Variants in ITPR1 observed in about 807,000 individuals in gnomAD.
The protein encoded by ITPR1 is inositol 1,4,5-trisphosphate-gated calcium channel ITPR1.
ITPR1 carries 96 observed loss-of-function variants against 318.4 expected under a neutral mutation model. The ratio of observed to expected loss-of-function variants is 0.30; its 90% CI spans 0.26 to 0.36. The LOEUF (loss-of-function observed/expected upper bound fraction) is 0.36, where lower values mean the gene tolerates loss of function less well. ITPR1 is among the 10% of genes least tolerant of loss of function. The probability of loss-of-function intolerance (pLI) is 1.00; values close to 1 mark genes in which losing one functional copy is unlikely to be tolerated. For synonymous variants in ITPR1, 1,312 were observed against 1,289.9 expected, an observed-to-expected ratio of 1.02 and a Z score of -0.37; for missense variants, 2,440 against 3,460.2, an observed-to-expected ratio of 0.71 and a Z score of 7.40.
At position 4,634,695 on chromosome 3, in the gene ITPR1, A is replaced by T. The variant is rs145517252; in HGVS notation, c.280-4689A>T. 2.7e-3 allele frequency among the ~76,000 whole-genome samples: 408 copies of T among 151,986 alleles called. 4 individuals are homozygous for T. Among genetic ancestry groups the T allele is most frequent in the African/African-American group, 9.0e-3 (371 of 41,428 alleles). On this transcript the variant is annotated intron_variant, in intron 5 of 61. Coordinates refer to ENST00000649015, the MANE Select transcript of ITPR1 (RefSeq NM_001378452.1). ...TGGGTTTTATTTTGATGTTTTCCCT[A>T]CTCTCCTACCCCCTATTCTGTTCCT... is the stretch of plus-strand genomic sequence containing the variant.
intron 53 of ITPR1, among the ~76,000 whole-genome samples, chr3:4,797,911 C>T (rs1404662493): frequency 6.6e-6 from 1 of 152,222 alleles, no homozygotes; most frequent in Non-Finnish European, 1.5e-5. Flanking sequence ...ATTATCATAT[C>T]TAACAAAACT....
chr3:4,611,018 TTC>T (rs2092065227), intron 4 of ITPR1, among the ~76,000 whole-genome samples: 2 of 37,290 alleles, frequency 5.4e-5, no homozygotes, highest in African/African-American at 1.9e-4. Flanking sequence ...TCCCTTCCCC[TTC>T]CCCTTCCTCC....
At chr3:4,688,657 A>G in intron 31 of ITPR1, 37 bp downstream of exon 31, 1 of 1,597,514 alleles carries the variant, frequency 6.3e-7, no homozygotes, top group Non-Finnish European at 8.6e-7. Context: ...CTATAGAGGG[A>G]GGAGGGCAGG....
At chr3:4,711,639 T>G in intron 38 of ITPR1, 118 bp from the exon 39 acceptor site, 2 of 667,494 alleles carry the variant, frequency 3.0e-6, no homozygotes, top group Admixed American at 4.8e-5. Flanking sequence ...ATCTTTAACC[T>G]GAGAGCTCTT....
At position 4,814,076 on chromosome 3, in the gene ITPR1, C is replaced by G. The variant is rs543931006; in HGVS notation, c.7562-347C>G. Among the ~76,000 whole-genome samples the G allele has an allele frequency of 3.0e-4, 46 of 152,272 alleles. 1 individual carries two copies. The highest frequency in any genetic ancestry group is 3.4e-3 in the Middle Eastern group (1 of 294). On this transcript the variant is annotated intron_variant, in intron 57 of 61. Coordinates refer to ENST00000649015, the MANE Select transcript of ITPR1 (RefSeq NM_001378452.1). ...TGTGGCATAACCCTCATCTGAGAGA[C>G]AAGAGGCCTGTGACTCAGAGTTGCG...
At chr3:4,630,586 A>ATTT (rs2092984362) in intron 5 of ITPR1, among the ~76,000 whole-genome samples, 2 of 144,512 alleles carry the variant, frequency 1.4e-5, no homozygotes, top group African/African-American at 5.1e-5. Context: ...TATTATTATT[A>ATTT]TTATTATTAT....
chr3:4,755,290 T>A (rs1023873745), intron 44 of ITPR1, among the ~76,000 whole-genome samples: 1 of 151,588 alleles, frequency 6.6e-6, no homozygotes, highest in African/African-American at 2.4e-5. Context: ...GCTTACCAGA[T>A]AGGGCAGAGC....
intron 4 of ITPR1, among the ~76,000 whole-genome samples, chr3:4,566,540 A>G (rs995525799): frequency 6.6e-6 from 1 of 151,440 alleles, no homozygotes; most frequent in Non-Finnish European, 1.5e-5. Flanking sequence ...GAGCCAGGTC[A>G]GAGTTGAGAG....
In ITPR1 at chr3:4,784,676, T is replaced by C. The variant is rs188521377; in HGVS notation, c.6615+756T>C. On this transcript the variant is annotated intron_variant, in intron 51 of 61. Transcript: ENST00000649015. The stretch of plus-strand genomic sequence containing the variant: ...CAGGTAGATCACTTGAGGTCAGGAG[T>C]TCAAGACCAGCCTGGCCAACATGGT... Among the ~76,000 whole-genome samples the C allele has an allele frequency of 2.8e-3, 382 of 135,420 alleles. 1 individual carries two copies. The highest frequency in any genetic ancestry group is 8.0e-3 in the African/African-American group (287 of 35,880). The allele number at this position is 135,420 out of a possible 152,430, so 88.8% of individuals were successfully genotyped here. A position where few individuals can be genotyped will look rare whatever the true frequency, so the allele number is the denominator to read the frequency against.
intron 44 of ITPR1, among the ~76,000 whole-genome samples, chr3:4,752,299 G>A (rs1445292243): frequency 6.6e-5 from 10 of 152,198 alleles, no homozygotes; most frequent in South Asian, 4.1e-4. Flanking sequence ...AGGGAGCCAG[G>A]TTTGGAGACG....
In ITPR1 at chr3:4,710,234, C is replaced by T. The variant is rs2041252557; in HGVS notation, c.4843-91C>T. On this transcript the variant is annotated intron_variant, in intron 37 of 61. Transcript: ENST00000649015. This position sits in a 1 kb window ranked among gnomAD's most constrained non-coding sequence, Gnocchi z 4.2. ...GTTACTCTAACCTAGCCTACCCGTG[C>T]ATCAGTGTTTTAGGGCAGAAATCAA... is the stretch of plus-strand genomic sequence containing the variant. The T allele has an allele frequency of 8.1e-7, 1 of 1,234,264 alleles. No individual in the cohort carries two copies. The allele number at this position is 1,234,264 out of a possible 1,614,324, so 76.5% of individuals were successfully genotyped here. A position where few individuals can be genotyped will look rare whatever the true frequency, so the allele number is the denominator to read the frequency against.
rs2046702204 is a variant in ITPR1 at position 4,779,745 on chromosome 3, C to T, written c.6387+100C>T. On this transcript the variant is annotated intron_variant, in intron 49 of 61. Coordinates refer to ENST00000649015, the MANE Select transcript of ITPR1 (RefSeq NM_001378452.1). The surrounding 1 kb of genome is among the most constrained non-coding windows in gnomAD (Gnocchi z 4.0). ...CTTCCTGGAGCTTTCTTGAAGGTTC[C>T]CAAAGTCAGAAGTATAAAGGGAACA... is the stretch of plus-strand genomic sequence containing the variant. The T allele has an allele frequency of 6.5e-6, 5 of 772,672 alleles. No individual in the cohort carries two copies. Among genetic ancestry groups the T allele is most frequent in the South Asian group, 5.1e-5 (3 of 59,240 alleles). 47.9% of individuals were successfully genotyped at this position (772,672 alleles called of 1,614,324 possible). A position where few individuals can be genotyped will look rare whatever the true frequency, so the allele number is the denominator to read the frequency against.
chr3:4,731,165 C>G (rs990525941), intron 42 of ITPR1, among the ~76,000 whole-genome samples: 1 of 152,202 alleles, frequency 6.6e-6, no homozygotes, highest in Admixed American at 6.5e-5. Context: ...TTGAATGTAG[C>G]TTTCAAACTT....
intron 15 of ITPR1, among the ~76,000 whole-genome samples, chr3:4,662,485 G>C (rs915941667): frequency 6.6e-6 from 1 of 152,178 alleles, no homozygotes; most frequent in African/African-American, 2.4e-5. Flanking sequence ...GACTTTGGGA[G>C]GCTGAGGTGG....
At chr3:4,776,496 C>A (rs528374899) in intron 47 of ITPR1, among the ~76,000 whole-genome samples, 1 of 152,288 alleles carries the variant, frequency 6.6e-6, no homozygotes, top group South Asian at 2.1e-4. Flanking sequence ...GAGCCAGGCC[C>A]TTCATTCAGA....
intron 42 of ITPR1, 91 bp downstream of exon 42, chr3:4,727,264 T>G (rs2042584434): frequency 4.5e-6 from 4 of 894,702 alleles, no homozygotes; most frequent in Non-Finnish European, 6.7e-6. Context: ...GAGACAGCTT[T>G]TGTTGTTGAT....
intron 4 of ITPR1, among the ~76,000 whole-genome samples, chr3:4,542,779 C>T (rs1411656576): frequency 6.6e-6 from 1 of 152,124 alleles, no homozygotes; most frequent in African/African-American, 2.4e-5. Context: ...GCACTAGTAT[C>T]ATAATGGAAG....
At chr3:4,844,664 G>A (rs372218024) in intron 61 of ITPR1, among the ~76,000 whole-genome samples, 78 of 152,314 alleles carry the variant, frequency 5.1e-4, no homozygotes, top group African/African-American at 1.5e-3. Context: ...TGTGGATACA[G>A]TGTAGTGTGT....
chr3:4,715,650 C>T (rs976406459), intron 39 of ITPR1, among the ~76,000 whole-genome samples: 5 of 152,094 alleles, frequency 3.3e-5, no homozygotes, highest in East Asian at 1.9e-4. Flanking sequence ...GTCAGGAGTT[C>T]GAGACCAGCC....
Sources: gnomAD v4.1 joint callset for allele counts (sites outside exome capture counted in the v4.1 genomes callset) on GRCh38, gnomAD v4.1.1 for gene constraint, Gnocchi (gnomAD v3.1) non-coding constraint, MANE v1.5 for transcripts, NCBI Gene and HGNC (gene_info 2026-07-23, HGNC 2026-07-21) for gene names.